The following RFX2 variants were observed in gnomAD, a reference collection of about 807,000 sequenced individuals.
The protein encoded by RFX2 is DNA-binding protein RFX2.
In RFX2, 20 loss-of-function variants were observed where a neutral mutation model predicts 87.8. The observed-to-expected ratio is 0.23, with a 90% CI of 0.16 to 0.33. The LOEUF (loss-of-function observed/expected upper bound fraction) is 0.33, where lower values mean the gene tolerates loss of function less well. Ranked by LOEUF, RFX2 falls within the 10% of genes least tolerant of loss-of-function variation. RFX2 has a pLI of 1.00. For synonymous variants in RFX2, 397 were observed against 431.3 expected (o/e 0.92, Z 0.98); for missense variants, 767 against 1,012.3 (o/e 0.76, Z 3.29).
At chr19:6,109,737 G>A (rs113832305) in intron 1 of RFX2, among the ~76,000 whole-genome samples, 1 of 152,176 alleles carries the variant, frequency 6.6e-6, no homozygotes, top group African/African-American at 2.4e-5. Flanking sequence ...GGGAGTTTGA[G>A]GGTATGAGTA....
intron 1 of RFX2, among the ~76,000 whole-genome samples, chr19:6,104,356 T>G (rs1289319232): frequency 6.6e-6 from 1 of 151,690 alleles, no homozygotes; most frequent in Non-Finnish European, 1.5e-5. Flanking sequence ...GATCATGAGG[T>G]CAGGAGATCG....
Position 6,026,302 on chromosome 19 carries a change from G to T in RFX2, c.523-65C>A, listed in dbSNP as rs1599864026. The T allele has an allele frequency of 3.0e-6, 4 of 1,337,374 alleles. No homozygotes were observed. Among genetic ancestry groups the T allele is most frequent in the Middle Eastern group, 1.8e-4 (1 of 5,464 alleles). The allele number at this position is 1,337,374 out of a possible 1,614,324, so 82.8% of individuals were successfully genotyped here. A position where few individuals can be genotyped will look rare whatever the true frequency, so the allele number is the denominator to read the frequency against. ...GAAAAAAAAAAAAAGGAAATCAGAT[G>T]GTTAGCATCAGCCAAGATTTGTTTT... On this transcript the variant is annotated intron_variant, in intron 5 of 17. Coordinates refer to ENST00000303657, the MANE Select transcript of RFX2 (RefSeq NM_000635.4). This position sits in a 1 kb window ranked among gnomAD's most constrained non-coding sequence, Gnocchi z 4.5.
At chr19:6,000,208 C>G (rs771281314) in intron 15 of RFX2, among the ~76,000 whole-genome samples, 59 of 152,206 alleles carry the variant, frequency 3.9e-4, no homozygotes, top group Non-Finnish European at 6.6e-4. Flanking sequence ...TGGTCTTGAA[C>G]TTCTGACCCC....
rs74750532 is a variant in RFX2 at position 6,026,808 on chromosome 19, T to G, written c.523-571A>C. 679 of 154,300 alleles carry G rather than the reference T, an allele frequency of 4.4e-3. 7 individuals carry two copies. The East Asian group carries it at 0.071, about 16-fold the overall frequency. The allele number at this position is 154,300 out of a possible 1,614,324, so 9.6% of individuals were successfully genotyped here. On this transcript the variant is annotated intron_variant, in intron 5 of 17. Coordinates refer to ENST00000303657, the MANE Select transcript of RFX2 (RefSeq NM_000635.4). The surrounding 1 kb of genome is among the most constrained non-coding windows in gnomAD (Gnocchi z 4.5). ...GGATCCAGGGCCACTGGACACTGTC[T>G]GGCGAATGTTTACCCAGTGGGAGCT...
rs982437093 is a variant in RFX2 at position 6,074,576 on chromosome 19, T to C, written c.-8-27072A>G. ...AGGACACAGCAGGGAATGAAACAGATTGAGTCCCTGACCATGTGGGGCTGA... is the reference window on the plus strand; with the variant it reads ...AGGACACAGCAGGGAATGAAACAGACTGAGTCCCTGACCATGTGGGGCTGA... On this transcript the variant is annotated intron_variant, in intron 1 of 17. Coordinates refer to ENST00000303657, the MANE Select transcript of RFX2 (RefSeq NM_000635.4). The surrounding 1 kb of genome is among the most constrained non-coding windows in gnomAD (Gnocchi z 5.2). 3.9e-5 allele frequency among the ~76,000 whole-genome samples: 6 copies of C among 152,148 alleles called. No homozygotes were observed. Among genetic ancestry groups the C allele is most frequent in the African/African-American group, 1.4e-4 (6 of 41,434 alleles).
At position 6,084,643 on chromosome 19, in the gene RFX2, C is replaced by CT. The variant is rs57501118; in HGVS notation, c.-9+25749dup. ...TGTCCTTTTTTTTCTTTCTTTCTTTCTTTTTTTTGAGACAGAATCTCGCTC... is the reference window on the plus strand; with the variant it reads ...TGTCCTTTTTTTTCTTTCTTTCTTTCTTTTTTTTTGAGACAGAATCTCGCTC... On this transcript the variant is annotated intron_variant, in intron 1 of 17. Transcript: ENST00000303657. Among the ~76,000 whole-genome samples the CT allele has an allele frequency of 9.5e-4, 138 of 145,420 alleles. 7 individuals carry two copies. The South Asian group carries it at 0.013, about 13-fold the overall frequency.
chr19:6,092,268 C>T (rs965236116), intron 1 of RFX2, among the ~76,000 whole-genome samples: 1 of 152,130 alleles, frequency 6.6e-6, no homozygotes, highest in Non-Finnish European at 1.5e-5. Flanking sequence ...CTAGTGGCTG[C>T]ACAACTGAGC....
rs778319610 is a variant in RFX2, at chr19:6,001,344, C to T, written c.1859+471G>A. 6.6e-6 allele frequency among the ~76,000 whole-genome samples: 1 copy of T among 152,334 alleles called. No individual in the cohort carries two copies. The highest frequency in any genetic ancestry group is 2.1e-4 in the South Asian group (1 of 4,830). Reference sequence around the variant, plus strand: ...GTGGTGCAATCTTGGCTCACTGCAGCCTGGACCGCCTGGGCTCAAGGATCC... The same window carrying T: ...GTGGTGCAATCTTGGCTCACTGCAGTCTGGACCGCCTGGGCTCAAGGATCC... On this transcript the variant is annotated intron_variant, in intron 15 of 17. Coordinates refer to ENST00000303657, the MANE Select transcript of RFX2 (RefSeq NM_000635.4). This position sits in a 1 kb window ranked among gnomAD's most constrained non-coding sequence, Gnocchi z 5.6.
Position 6,044,794 on chromosome 19 carries a change from G to A in RFX2, c.91-512C>T, listed in dbSNP as rs894791183. Among the ~76,000 whole-genome samples, 3 of 152,204 alleles carry A rather than the reference G, an allele frequency of 2.0e-5. No homozygotes were observed. Among genetic ancestry groups the A allele is most frequent in the African/African-American group, 7.2e-5 (3 of 41,438 alleles). On this transcript the variant is annotated intron_variant, in intron 2 of 17. Coordinates refer to ENST00000303657, the MANE Select transcript of RFX2 (RefSeq NM_000635.4). The surrounding 1 kb of genome is among the most constrained non-coding windows in gnomAD (Gnocchi z 5.3). ...CGGACTTGTTTCCATTTTCTGATGA[G>A]GTTAATGAAGCCAGAGGGCTCAAGT...
At chr19:6,105,941 G>A (rs946946234) in intron 1 of RFX2, among the ~76,000 whole-genome samples, 4 of 152,148 alleles carry the variant, frequency 2.6e-5, no homozygotes. Flanking sequence ...CCACCTGGAT[G>A]TACCCAGCAG....
At position 6,007,692 on chromosome 19, in the gene RFX2, G is replaced by C; in HGVS notation, c.1245C>G (p.Ala415=). 6.5e-7 allele frequency: 1 copy of C among 1,545,718 alleles called. No homozygotes were observed. Among genetic ancestry groups the C allele is most frequent in the Non-Finnish European group, 8.8e-7 (1 of 1,140,816 alleles). ...CCCAGCCAGGGTGTGGCAGTCACCTGGCAGGAAGAGAGGTGGGGCCGTCGC... is the reference window on the plus strand; with the variant it reads ...CCCAGCCAGGGTGTGGCAGTCACCTCGCAGGAAGAGAGGTGGGGCCGTCGC... ...SSSDGPTSLP[A]SDEDPEGAVL... Residue 415 remains alanine, a splice_region_variant and synonymous_variant, in exon 11 of 18, where the codon GCC becomes GCG. Coordinates refer to ENST00000303657, the MANE Select transcript of RFX2 (RefSeq NM_000635.4). This position sits in a 1 kb window ranked among gnomAD's most constrained non-coding sequence, Gnocchi z 8.2.
intron 1 of RFX2, among the ~76,000 whole-genome samples, chr19:6,069,275 T>C (rs1211327199): frequency 6.6e-6 from 1 of 152,102 alleles, no homozygotes; most frequent in African/African-American, 2.4e-5. Context: ...CATCAATGTA[T>C]AGATAACATA....
At chr19:6,035,162 G>T (rs2144752409) in intron 5 of RFX2, among the ~76,000 whole-genome samples, 1 of 152,204 alleles carries the variant, frequency 6.6e-6, no homozygotes, top group South Asian at 2.1e-4. Flanking sequence ...CTTCGTCAGG[G>T]CCCACCGTGT....
chr19:6,048,880 G>A (rs879908632), intron 1 of RFX2, among the ~76,000 whole-genome samples: 1 of 49,246 alleles, frequency 2.0e-5, no homozygotes, highest in South Asian at 7.2e-4. Flanking sequence ...CCCGGCCCCC[G>A]CCCCCGTCCC....
chr19:6,036,210 C>T (rs891613535), intron 5 of RFX2, among the ~76,000 whole-genome samples: 9 of 152,180 alleles, frequency 5.9e-5, no homozygotes, highest in African/African-American at 1.4e-4. Flanking sequence ...CAATCCCAGG[C>T]GGGAGAAGTA....
chr19:6,003,757 C>T lies in RFX2; in HGVS notation c.1500+444G>A, dbSNP rs969152444. On this transcript the variant is annotated intron_variant, in intron 13 of 17. Coordinates refer to ENST00000303657, the MANE Select transcript of RFX2 (RefSeq NM_000635.4). ...TAACACCATTGCACTCCAGCCTGGG[C>T]GACAGAGTGAGACTCTGTCTCAAAA... Among the ~76,000 whole-genome samples the T allele has an allele frequency of 1.1e-3, 129 of 115,896 alleles. 2 individuals carry two copies. The highest frequency in any genetic ancestry group is 3.9e-3 in the African/African-American group (114 of 29,238). The allele number at this position is 115,896 out of a possible 152,430, so 76.0% of individuals were successfully genotyped here. A position where few individuals can be genotyped will look rare whatever the true frequency, so the allele number is the denominator to read the frequency against.
intron 16 of RFX2, among the ~76,000 whole-genome samples, chr19:5,995,865 C>T (rs1170865283): frequency 1.3e-5 from 2 of 152,206 alleles, no homozygotes; most frequent in Non-Finnish European, 2.9e-5. Flanking sequence ...GTGGAGGGTG[C>T]TGACTACTCG....
In RFX2 at chr19:6,026,466, C is replaced by T; in HGVS notation, c.523-229G>A. The T allele has an allele frequency of 1.7e-6, 1 of 579,580 alleles. No homozygotes were observed. Among genetic ancestry groups the T allele is most frequent in the Non-Finnish European group, 3.1e-6 (1 of 326,470 alleles). 35.9% of individuals were successfully genotyped at this position (579,580 alleles called of 1,614,324 possible). A position where few individuals can be genotyped will look rare whatever the true frequency, so the allele number is the denominator to read the frequency against. ...CGCACACGTAGGTAAGCCCGAGAGC[C>T]CGTCCAACAGAAGCAGCAGAAATCA... On this transcript the variant is annotated intron_variant, in intron 5 of 17. Transcript: ENST00000303657. This position sits in a 1 kb window ranked among gnomAD's most constrained non-coding sequence, Gnocchi z 4.5.
rs1047563940 is a variant in RFX2 at position 6,044,715 on chromosome 19, G to A, written c.91-433C>T. On this transcript the variant is annotated intron_variant, in intron 2 of 17. Coordinates refer to ENST00000303657, the MANE Select transcript of RFX2 (RefSeq NM_000635.4). The surrounding 1 kb of genome is among the most constrained non-coding windows in gnomAD (Gnocchi z 5.3). The stretch of plus-strand genomic sequence containing the variant: ...GCTGGGGCCCTCTGGATAGCCATCC[G>A]CACCACTGCGTGGGAGAGCACTCTG... Among the ~76,000 whole-genome samples the A allele has an allele frequency of 3.9e-5, 6 of 152,246 alleles. No homozygotes were observed. The South Asian group carries it at 6.2e-4, about 16-fold the overall frequency.
Sources: gnomAD v4.1 joint callset for allele counts (sites outside exome capture counted in the v4.1 genomes callset) on GRCh38, gnomAD v4.1.1 for gene constraint, Gnocchi (gnomAD v3.1) non-coding constraint, MANE v1.5 for transcripts, NCBI Gene and HGNC (gene_info 2026-07-23, HGNC 2026-07-21) for gene names.